Variants in BIRC6 observed in about 807,000 individuals in gnomAD.
The protein encoded by BIRC6 is baculoviral IAP repeat containing 6.
Under a neutral mutation model 503.3 loss-of-function variants are expected in BIRC6, and 98 were observed. The observed-to-expected ratio is 0.19, with a 90% confidence interval of 0.17 to 0.23. The LOEUF (loss-of-function observed/expected upper bound fraction) is 0.23, where lower values mean the gene tolerates loss of function less well. Ranked by LOEUF, BIRC6 falls within the 10% of genes least tolerant of loss-of-function variation. The pLI is 1.00. For missense variants in BIRC6, 5,360 were observed against 5,806.0 expected (o/e 0.92, Z 2.50); for synonymous variants, 2,240 against 2,078.7 (o/e 1.08, Z -2.11).
chr2:32,573,641 C>T (rs185681048), intron 65 of BIRC6, among the ~76,000 whole-genome samples: 13 of 152,244 alleles, frequency 8.5e-5, no homozygotes, highest in African/African-American at 3.1e-4. Flanking sequence ...TTAGAAGCAA[C>T]GTGTGTTCCT....
chr2:32,495,872 C>G (rs1349887235), intron 45 of BIRC6, among the ~76,000 whole-genome samples: 1 of 137,878 alleles, frequency 7.3e-6, no homozygotes, highest in African/African-American at 2.7e-5. Flanking sequence ...GAGTCTCTCT[C>G]TGTCACCCAG....
In BIRC6 at chr2:32,474,224, C is replaced by T. The variant is rs538254275; in HGVS notation, c.6720+985C>T. Among the ~76,000 whole-genome samples the T allele has an allele frequency of 7.9e-5, 12 of 151,732 alleles. No individual in the cohort carries two copies. In the East Asian group the frequency reaches 1.7e-3, roughly 22 times the overall value. On this transcript the variant is annotated intron_variant, in intron 33 of 73. Coordinates refer to ENST00000421745, the MANE Select transcript of BIRC6 (RefSeq NM_016252.4). ...TTTTTTAAAGGTAGACTTGGCAATA[C>T]GTTTTTTATTTTTCACTTCTAAGTT...
At chr2:32,534,039 A>T (rs993962884) in intron 61 of BIRC6, among the ~76,000 whole-genome samples, 4 of 152,144 alleles carry the variant, frequency 2.6e-5, no homozygotes, top group African/African-American at 9.7e-5. Context: ...CAAATTAAGG[A>T]TACTGTTAGG....
chr2:32,600,044 T>A, intron 70 of BIRC6, 144 bp downstream of exon 70: 1 of 748,508 alleles, frequency 1.3e-6, no homozygotes. Flanking sequence ...CAGATTAGCT[T>A]AAGCAATAGA....
chr2:32,532,891 G>C (rs1242131629), intron 61 of BIRC6, among the ~76,000 whole-genome samples: 1 of 152,020 alleles, frequency 6.6e-6, no homozygotes, highest in Non-Finnish European at 1.5e-5. Flanking sequence ...ACTGGAAATG[G>C]GGTCCTGGTA....
At chr2:32,545,143 C>CT (rs1338293425) in intron 62 of BIRC6, among the ~76,000 whole-genome samples, 10 of 152,090 alleles carry the variant, frequency 6.6e-5, no homozygotes, top group African/African-American at 2.4e-4. Flanking sequence ...ATCTCTCTCT[C>CT]TAATAATTGT....
intron 10 of BIRC6, among the ~76,000 whole-genome samples, chr2:32,427,029 A>G (rs1048364141): frequency 1.8e-4 from 27 of 152,028 alleles, no homozygotes; most frequent in Non-Finnish European, 1.5e-5. Context: ...AATAATTTTT[A>G]TCTTGCTGTC....
At chr2:32,414,436 G>T (rs993502344) in intron 9 of BIRC6, among the ~76,000 whole-genome samples, 1 of 152,154 alleles carries the variant, frequency 6.6e-6, no homozygotes, top group Non-Finnish European at 1.5e-5. Flanking sequence ...GGAGGCTGAG[G>T]TGGGTGGATC....
At chr2:32,556,647 T>G (rs1271250522) in intron 65 of BIRC6, among the ~76,000 whole-genome samples, 4 of 152,170 alleles carry the variant, frequency 2.6e-5, no homozygotes, top group African/African-American at 9.7e-5. Context: ...AATCATGAAA[T>G]GCTTTAAAAA....
intron 22 of BIRC6, among the ~76,000 whole-genome samples, chr2:32,453,267 G>A (rs1356919670): frequency 1.3e-5 from 2 of 152,146 alleles, no homozygotes; most frequent in Non-Finnish European, 2.9e-5. Context: ...TGACCATGAA[G>A]TAGTGTGCCT....
intron 6 of BIRC6, among the ~76,000 whole-genome samples, chr2:32,399,662 C>T (rs1342225487): frequency 6.6e-6 from 1 of 152,112 alleles, no homozygotes; most frequent in African/African-American, 2.4e-5. Flanking sequence ...ATAAAGGAAT[C>T]ATAAAGTTGA....
At chr2:32,524,744 C>T in intron 57 of BIRC6, 144 bp from the exon 58 acceptor site, 3 of 490,588 alleles carry the variant, frequency 6.1e-6, no homozygotes. Flanking sequence ...AGGCCTTTAC[C>T]TCATGCCATT....
At chr2:32,390,691 A>G (rs2039111967) in intron 4 of BIRC6, among the ~76,000 whole-genome samples, 1 of 152,256 alleles carries the variant, frequency 6.6e-6, no homozygotes, top group Non-Finnish European at 1.5e-5. Flanking sequence ...TACATTTATA[A>G]ATAGTATGTG....
At chr2:32,576,315 C>G (rs879864352) in intron 66 of BIRC6, among the ~76,000 whole-genome samples, 1 of 152,146 alleles carries the variant, frequency 6.6e-6, no homozygotes, top group Non-Finnish European at 1.5e-5. Flanking sequence ...TTTGTTTACA[C>G]CTTAGTAGAT....
At chr2:32,460,465 C>T (rs1395917133) in intron 23 of BIRC6, among the ~76,000 whole-genome samples, 11 of 150,318 alleles carry the variant, frequency 7.3e-5, no homozygotes, top group African/African-American at 2.4e-4. Flanking sequence ...TTAGTAGAGA[C>T]GGGGTTTTGC....
Position 32,611,645 on chromosome 2 carries a change from C to T in BIRC6, c.14394+63C>T, listed in dbSNP as rs1487719859. ...AGAGTTGTGTAATTATTGACAGAACCATGCCTACCAGAAGATAATGGGAGG... is the reference window on the plus strand; with the variant it reads ...AGAGTTGTGTAATTATTGACAGAACTATGCCTACCAGAAGATAATGGGAGG... On this transcript the variant is annotated intron_variant, in intron 73 of 73. Coordinates refer to ENST00000421745, the MANE Select transcript of BIRC6 (RefSeq NM_016252.4). 9 of 1,380,304 alleles carry T rather than the reference C, an allele frequency of 6.5e-6. No homozygotes were observed. The East Asian group carries it at 1.1e-4, about 16-fold the overall frequency. 85.5% of individuals were successfully genotyped at this position (1,380,304 alleles called of 1,614,324 possible).
At chr2:32,374,541 TGG>T (rs2036452602) in intron 1 of BIRC6, among the ~76,000 whole-genome samples, 2 of 151,506 alleles carry the variant, frequency 1.3e-5, no homozygotes, top group Non-Finnish European at 2.9e-5. Flanking sequence ...GGCGTGATCT[TGG>T]CTCACTGCAA....
rs866379905 is a variant in BIRC6 at position 32,447,712 on chromosome 2, C to A, written c.4485-1083C>A. On this transcript the variant is annotated intron_variant, in intron 21 of 73. Transcript: ENST00000421745. ...CTGGCCGGGCGGGGGGCTGACCCCC[C>A]CCACCTCCCTCCTGGTCGGGGCGAC... is the stretch of plus-strand genomic sequence containing the variant. 2.1e-3 allele frequency among the ~76,000 whole-genome samples: 202 copies of A among 96,546 alleles called. 4 individuals carry two copies. Among genetic ancestry groups the A allele is most frequent in the African/African-American group, 6.0e-3 (136 of 22,856 alleles). 63.3% of individuals were successfully genotyped at this position (96,546 alleles called of 152,430 possible). A position where few individuals can be genotyped will look rare whatever the true frequency, so the allele number is the denominator to read the frequency against.
chr2:32,432,997 A>C (rs902018173), intron 12 of BIRC6, among the ~76,000 whole-genome samples: 4 of 152,134 alleles, frequency 2.6e-5, no homozygotes, highest in Non-Finnish European at 5.9e-5. Flanking sequence ...AGGTAGTGAA[A>C]AGAGTCGTTA....
Sources: allele counts gnomAD v4.1 joint callset (sites outside exome capture counted in the v4.1 genomes callset), GRCh38; gene constraint gnomAD v4.1.1; transcripts MANE v1.5; gene names NCBI Gene and HGNC (gene_info 2026-07-23, HGNC 2026-07-21).